The following GRM1 variants were observed in gnomAD, a reference collection of about 807,000 sequenced individuals.
The protein encoded by GRM1 is metabotropic glutamate receptor 1.
GRM1 carries 33 observed loss-of-function variants against 90.9 expected under a neutral mutation model. The ratio of observed to expected loss-of-function variants is 0.36; its 90% CI spans 0.28 to 0.49. GRM1 has a LOEUF of 0.49. Ranked by LOEUF, GRM1 falls within the 20% of genes least tolerant of loss-of-function variation. GRM1 has a pLI of 0.99. For synonymous variants in GRM1, 700 were observed against 613.2 expected, an observed-to-expected ratio of 1.14 and a Z score of -2.09; for missense variants, 1,190 against 1,534.3, an observed-to-expected ratio of 0.78 and a Z score of 3.75.
chr6:146,155,392 C>T (rs1235596067), intron 1 of GRM1, among the ~76,000 whole-genome samples: 4 of 152,080 alleles, frequency 2.6e-5, no homozygotes, highest in Non-Finnish European at 4.4e-5. Flanking sequence ...ATAGGCTATT[C>T]GATATACCAT....
chr6:146,159,920 A>G (rs1171801100), intron 2 of GRM1: 1 of 204,682 alleles, frequency 4.9e-6, no homozygotes, highest in East Asian at 1.1e-4. Flanking sequence ...TAACTATAAA[A>G]AAAAAAAAAA....
intron 1 of GRM1, among the ~76,000 whole-genome samples, chr6:146,132,439 A>T (rs568122618): frequency 6.6e-6 from 1 of 152,328 alleles, no homozygotes; most frequent in African/African-American, 2.4e-5. Flanking sequence ...TGATTTCATT[A>T]TGAATGGGCA....
chr6:146,421,771 A>G (rs540106040), intron 7 of GRM1, among the ~76,000 whole-genome samples: 1 of 152,142 alleles, frequency 6.6e-6, no homozygotes. Flanking sequence ...TGCATTGTGC[A>G]TATATATAAA....
At chr6:146,095,571 T>G (rs1019064859) in intron 1 of GRM1, among the ~76,000 whole-genome samples, 6 of 152,166 alleles carry the variant, frequency 3.9e-5, no homozygotes, top group East Asian at 1.9e-4. Context: ...CTTCTGTGCT[T>G]CTTCTTTATC....
intron 7 of GRM1, among the ~76,000 whole-genome samples, chr6:146,413,442 G>A (rs1777641498): frequency 6.6e-6 from 1 of 151,914 alleles, no homozygotes; most frequent in African/African-American, 2.4e-5. Flanking sequence ...AAGTTTTCTT[G>A]AATTACAGTC....
At chr6:146,073,205 G>T (rs1047709607) in intron 1 of GRM1, among the ~76,000 whole-genome samples, 1 of 152,086 alleles carries the variant, frequency 6.6e-6, no homozygotes. Context: ...GAGAAATGAT[G>T]GATCTGTAGG....
At chr6:146,066,269 T>C (rs1472787756) in intron 1 of GRM1, among the ~76,000 whole-genome samples, 5 of 152,208 alleles carry the variant, frequency 3.3e-5, no homozygotes, top group Non-Finnish European at 5.9e-5. Flanking sequence ...CCCATTTTTG[T>C]GACTATGTAT....
At chr6:146,256,953 C>T (rs1781501435) in intron 2 of GRM1, among the ~76,000 whole-genome samples, 1 of 152,116 alleles carries the variant, frequency 6.6e-6, no homozygotes, top group Non-Finnish European at 1.5e-5. Context: ...ACTCCATGCT[C>T]CAGATGAGCT....
At chr6:146,431,379 T>C (rs1004528365) in intron 7 of GRM1, among the ~76,000 whole-genome samples, 1 of 152,180 alleles carries the variant, frequency 6.6e-6, no homozygotes, top group African/African-American at 2.4e-5. Context: ...TGGGTGCTTT[T>C]GATTTAAAAA....
At chr6:146,046,720 G>T (rs888807715) in intron 1 of GRM1, among the ~76,000 whole-genome samples, 1 of 151,936 alleles carries the variant, frequency 6.6e-6, no homozygotes, top group African/African-American at 2.4e-5. Flanking sequence ...GCAAATATAT[G>T]TAAAAAATTA....
chr6:146,037,517 G>A (rs114779842), intron 1 of GRM1, among the ~76,000 whole-genome samples: 190 of 151,902 alleles, frequency 1.3e-3, no homozygotes, highest in African/African-American at 4.1e-3. Context: ...CCTCATGCAC[G>A]CCTCTCATGT....
intron 2 of GRM1, among the ~76,000 whole-genome samples, chr6:146,269,496 A>C (rs566851791): frequency 6.6e-6 from 1 of 152,314 alleles, no homozygotes; most frequent in South Asian, 2.1e-4. Context: ...TTGTTTCAGA[A>C]GACAATTACC....
chr6:146,214,867 A>G (rs1397355632), intron 2 of GRM1, among the ~76,000 whole-genome samples: 1 of 152,188 alleles, frequency 6.6e-6, no homozygotes, highest in Non-Finnish European at 1.5e-5. Flanking sequence ...TAAAGGCATG[A>G]GAGATGCAAC....
In GRM1 at chr6:146,434,511, C is replaced by A. The variant is rs1227591846; in HGVS notation, c.3300C>A (p.Ser1100Arg). ...VSPPADDDDD[S>R]ERFKLLQEYV... Reference sequence around the variant, plus strand: ...CGCCCGCGGACGACGACGACGACAGCGAGAGGTTTAAGCTCCTCCAGGAGT... The same window carrying A: ...CGCCCGCGGACGACGACGACGACAGAGAGAGGTTTAAGCTCCTCCAGGAGT... Residue 1100 changes from serine to arginine, a missense_variant, in exon 8 of 8, where the codon AGC becomes AGA. This residue lies in a region of GRM1 where 400 missense variants were observed against 360.8 expected (regional missense o/e 1.11). Coordinates refer to ENST00000282753, the MANE Select transcript of GRM1 (RefSeq NM_001278064.2). 3.1e-6 allele frequency: 5 copies of A among 1,613,968 alleles called. No individual in the cohort carries two copies. Among genetic ancestry groups the A allele is most frequent in the Non-Finnish European group, 4.2e-6 (5 of 1,180,018 alleles).
intron 2 of GRM1, among the ~76,000 whole-genome samples, chr6:146,236,967 A>G (rs1780670863): frequency 6.6e-6 from 1 of 152,122 alleles, no homozygotes; most frequent in African/African-American, 2.4e-5. Flanking sequence ...TGATGTCACA[A>G]GAGTTCACAC....
At chr6:146,234,886 G>A (rs1448351652) in intron 2 of GRM1, among the ~76,000 whole-genome samples, 1 of 152,030 alleles carries the variant, frequency 6.6e-6, no homozygotes, top group Non-Finnish European at 1.5e-5. Flanking sequence ...GAGACTACAA[G>A]CATGGGCCAC....
chr6:146,092,526 T>G (rs1342355430), intron 1 of GRM1, among the ~76,000 whole-genome samples: 1 of 152,144 alleles, frequency 6.6e-6, no homozygotes, highest in Non-Finnish European at 1.5e-5. Flanking sequence ...TGTCCTTCCC[T>G]TCATAGAACT....
At chr6:146,235,263 T>C (rs1780597882) in intron 2 of GRM1, among the ~76,000 whole-genome samples, 1 of 152,172 alleles carries the variant, frequency 6.6e-6, no homozygotes, top group Non-Finnish European at 1.5e-5. Context: ...GTATTCTGGA[T>C]TGTAAAATTT....
intron 1 of GRM1, among the ~76,000 whole-genome samples, chr6:146,076,900 G>A (rs908688118): frequency 5.3e-5 from 8 of 151,984 alleles, no homozygotes; most frequent in South Asian, 2.1e-4. Flanking sequence ...TATACCCTCC[G>A]TGGGAACTAT....
Sources: allele counts gnomAD v4.1 joint callset (sites outside exome capture counted in the v4.1 genomes callset), GRCh38; gene constraint gnomAD v4.1.1; regional missense constraint gnomAD v4.1.1; transcripts MANE v1.5; gene names NCBI Gene and HGNC (gene_info 2026-07-23, HGNC 2026-07-21).